PPP2R5C: variants seen among roughly 807,000 people sequenced by gnomAD.
The protein encoded by PPP2R5C is serine/threonine-protein phosphatase 2A 56 kDa regulatory subunit gamma isoform.
Under a neutral mutation model 68.9 loss-of-function variants are expected in PPP2R5C, and 7 were observed. The observed-to-expected ratio is 0.10, with a 90% confidence interval of 0.06 to 0.19. The LOEUF (loss-of-function observed/expected upper bound fraction) is 0.19. Ranked by LOEUF, PPP2R5C falls within the 10% of genes least tolerant of loss-of-function variation. The pLI is 1.00. For synonymous variants in PPP2R5C, 210 were observed against 222.2 expected, an observed-to-expected ratio of 0.95 and a Z score of 0.49; for missense variants, 348 against 641.3, an observed-to-expected ratio of 0.54 and a Z score of 4.94.
At chr14:101,925,527 C>G (rs1454415880) in exon 14 of PPP2R5C, 1 of 390,678 alleles carries the variant, frequency 2.6e-6, no homozygotes, top group African/African-American at 2.1e-5. Context: ...TAGTCCAAGT[C>G]AGACTATTTC....
At chr14:101,909,554 G>T in intron 10 of PPP2R5C, 35 bp from the exon 13 acceptor site, 7 of 1,455,228 alleles carry the variant, frequency 4.8e-6, no homozygotes, top group Non-Finnish European at 6.7e-6. Flanking sequence ...GCAGGAATGC[G>T]TGCTCCCAGG....
At chr14:101,788,172 C>T (rs2038206190) in intron 3 of PPP2R5C, among the ~76,000 whole-genome samples, 1 of 152,200 alleles carries the variant, frequency 6.6e-6, no homozygotes, top group Non-Finnish European at 1.5e-5. Context: ...CCCCTAATGC[C>T]CATCACAGCT....
At chr14:101,765,286 C>A (rs752482217) in intron 2 of PPP2R5C, 62 of 702,454 alleles carry the variant, frequency 8.8e-5, no homozygotes, top group Admixed American at 3.2e-4. Context: ...CTTGGCAGAT[C>A]ACTGTGTAAA....
intron 9 of PPP2R5C, 53 bp downstream of exon 11, chr14:101,901,942 A>G (rs545444824): frequency 1.9e-6 from 3 of 1,577,458 alleles, no homozygotes; most frequent in East Asian, 2.3e-5. Context: ...CATTTGGGAA[A>G]GGAAAAGTTC....
rs150405414 is a variant in PPP2R5C, at chr14:101,851,075, CTT to C, written c.95-5610_95-5609del. Among the ~76,000 whole-genome samples, 1,104 of 152,260 alleles carry C rather than the reference CTT, an allele frequency of 7.3e-3. 13 individuals carry two copies. The highest frequency in any genetic ancestry group is 0.025 in the African/African-American group (1,045 of 41,540). On this transcript the variant is annotated intron_variant, in intron 1 of 13. Coordinates refer to ENST00000334743, the Ensembl canonical transcript of PPP2R5C. ...CTTCTTTCTGTTTTGCGTGAGATCT[CTT>C]GTCTGTGGGCTCGCGACTTGCATAG... is the stretch of plus-strand genomic sequence containing the variant.
chr14:101,883,748 C>T (rs1304621134), intron 5 of PPP2R5C, among the ~76,000 whole-genome samples, 186 bp downstream of exon 7: 3 of 152,146 alleles, frequency 2.0e-5, no homozygotes, highest in Non-Finnish European at 1.5e-5. Flanking sequence ...GGCTCATCCT[C>T]CCTGCCTTCC....
At chr14:101,925,008 G>C (rs2141226805) in intron 13 of PPP2R5C, 133 bp from the exon 16 acceptor site, 1 of 1,004,668 alleles carries the variant, frequency 1.0e-6, no homozygotes, top group Non-Finnish European at 1.5e-6. Context: ...CCGTTTCCCT[G>C]TGGCCAGGGT....
Position 101,901,267 on chromosome 14 carries a change from A to T in PPP2R5C, c.853-452A>T, listed in dbSNP as rs559868262. Reference sequence around the variant, plus strand: ...TTCTAAATTATTGTCCTAACTTCTTATTTTTTTTTCTTTTTTTAAAAAAAG... The same window carrying T: ...TTCTAAATTATTGTCCTAACTTCTTTTTTTTTTTTCTTTTTTTAAAAAAAG... On this transcript the variant is annotated intron_variant, in intron 8 of 13. Coordinates refer to ENST00000334743, the Ensembl canonical transcript of PPP2R5C. Among the ~76,000 whole-genome samples the T allele has an allele frequency of 2.6e-5, 4 of 150,984 alleles. No individual in the cohort carries two copies. The South Asian group carries it at 8.4e-4, about 32-fold the overall frequency.
chr14:101,794,082 G>A (rs180800745), intron 3 of PPP2R5C, among the ~76,000 whole-genome samples: 4 of 152,294 alleles, frequency 2.6e-5, no homozygotes, highest in Non-Finnish European at 4.4e-5. Flanking sequence ...GGCAACATTC[G>A]AGTGGGGAAA....
In PPP2R5C at chr14:101,797,470, G is replaced by T; in HGVS notation, c.259+11287G>T. On this transcript the variant is annotated intron_variant, in intron 3 of 14. Transcript: ENST00000328724. The surrounding 1 kb of genome is among the most constrained non-coding windows in gnomAD (Gnocchi z 4.2). The stretch of plus-strand genomic sequence containing the variant: ...TCCTGAAGGAATGAAAAGCCCTCCT[G>T]GCCCCTCTGCCCTCTTTCTCCACCC... 2.8e-6 allele frequency: 1 copy of T among 355,538 alleles called. No homozygotes were observed. Among genetic ancestry groups the T allele is most frequent in the Non-Finnish European group, 5.7e-6 (1 of 176,284 alleles). 22.0% of individuals were successfully genotyped at this position (355,538 alleles called of 1,614,324 possible).
At chr14:101,814,210 G>C (rs1239149192) in intron 1 of PPP2R5C, among the ~76,000 whole-genome samples, 6 of 152,180 alleles carry the variant, frequency 3.9e-5, no homozygotes, top group Non-Finnish European at 8.8e-5. Context: ...TTAAACCAGT[G>C]ATCCTCTGAA....
chr14:101,857,018 G>T, intron 2 of PPP2R5C, 133 bp downstream of exon 4: 1 of 867,812 alleles, frequency 1.2e-6, no homozygotes, highest in South Asian at 1.7e-5. Flanking sequence ...TGTGCTTGAA[G>T]AATGAAAATT....
intron 1 of PPP2R5C, chr14:101,833,520 A>T (rs2040882285): frequency 6.6e-6 from 1 of 152,204 alleles, no homozygotes; most frequent in African/African-American, 2.4e-5. Context: ...TGGGTAAACC[A>T]TTGTTCTTAA....
At chr14:101,767,039 C>T (rs962106126) in intron 2 of PPP2R5C, 2 of 152,178 alleles carry the variant, frequency 1.3e-5, no homozygotes, top group Non-Finnish European at 2.9e-5. Flanking sequence ...TGAGTATTGT[C>T]ATGTATTTTA....
chr14:101,763,025 T>C, intron 2 of PPP2R5C, 55 bp downstream of exon 2: 1 of 1,434,976 alleles, frequency 7.0e-7, no homozygotes, highest in East Asian at 2.5e-5. Flanking sequence ...TAACTTCAGG[T>C]AGAAAAACCG....
exon 14 of PPP2R5C, chr14:101,925,614 A>T (rs969889490): frequency 1.1e-5 from 2 of 183,476 alleles, no homozygotes; most frequent in Non-Finnish European, 2.3e-5. Context: ...ATCTTTTAAC[A>T]TAGGTGGTTC....
chr14:101,769,300 C>A (rs963474518), intron 2 of PPP2R5C, among the ~76,000 whole-genome samples: 2 of 152,226 alleles, frequency 1.3e-5, no homozygotes, highest in South Asian at 4.1e-4. Flanking sequence ...AGATGACCTT[C>A]GTTCCCCTGT....
At chr14:101,889,815 G>C (rs2044745515) in intron 5 of PPP2R5C, 1 of 366,348 alleles carries the variant, frequency 2.7e-6, no homozygotes, top group Non-Finnish European at 5.3e-6. Context: ...AATTAAGTAA[G>C]ACATTGGCCT....
chr14:101,786,888 A>G (rs535624095), intron 3 of PPP2R5C, among the ~76,000 whole-genome samples: 21 of 152,332 alleles, frequency 1.4e-4, no homozygotes, highest in African/African-American at 5.1e-4. Flanking sequence ...AGACAGATAT[A>G]CTAAATAAAA....
Sources: allele counts gnomAD v4.1 joint callset (sites outside exome capture counted in the v4.1 genomes callset), GRCh38; gene constraint gnomAD v4.1.1; non-coding constraint Gnocchi (gnomAD v3.1); transcripts MANE v1.5; gene names NCBI Gene and HGNC (gene_info 2026-07-23, HGNC 2026-07-21).